The following SBF2 variants were observed in gnomAD, a reference collection of about 807,000 sequenced individuals.
SBF2 encodes the protein myotubularin-related protein 13.
In SBF2, 112 loss-of-function variants were observed where a neutral mutation model predicts 225.2. The observed-to-expected ratio is 0.50, with a 90% CI of 0.43 to 0.58. The LOEUF is 0.58. Among genes scored for constraint, SBF2 ranks in the 20% least tolerant of loss-of-function variants. The pLI is 0.00. For synonymous variants in SBF2, 763 were observed against 773.3 expected (o/e 0.99, Z 0.22); for missense variants, 1,996 against 2,206.2 (o/e 0.90, Z 1.91).
At chr11:10,204,024 T>C (rs1331812974) in intron 1 of SBF2, among the ~76,000 whole-genome samples, 2 of 151,810 alleles carry the variant, frequency 1.3e-5, no homozygotes, top group African/African-American at 4.8e-5. Flanking sequence ...AACACACTGA[T>C]CATAGAAGCT....
chr11:9,829,263 G>A, intron 28 of SBF2, 93 bp downstream of exon 28: 1 of 1,415,164 alleles, frequency 7.1e-7, no homozygotes, highest in Non-Finnish European at 1.0e-6. Context: ...TGAAGGAACA[G>A]TACAAATAAC....
chr11:10,231,777 T>C (rs925169332), intron 1 of SBF2, among the ~76,000 whole-genome samples: 1 of 152,178 alleles, frequency 6.6e-6, no homozygotes, highest in Admixed American at 6.5e-5. Flanking sequence ...GAGGAGGCAG[T>C]CTGCCAGTTC....
chr11:9,882,631 AC>A (rs1859891338), intron 17 of SBF2, among the ~76,000 whole-genome samples: 1 of 151,802 alleles, frequency 6.6e-6, no homozygotes, highest in Non-Finnish European at 1.5e-5. Context: ...ACACGGTGAA[AC>A]CCCGTCTCTA....
rs112578653 is a variant in SBF2 at position 9,945,975 on chromosome 11, T to A, written c.1860+15982A>T. On this transcript the variant is annotated intron_variant, in intron 16 of 39. Coordinates refer to ENST00000256190, the MANE Select transcript of SBF2 (RefSeq NM_030962.4). ...TGTGGAGAAAAGGGAATGCTTATAC[T>A]TTGCTGGTGGGAATGTAAATTAGCT... 4.6e-3 allele frequency among the ~76,000 whole-genome samples: 696 copies of A among 152,122 alleles called. 2 individuals carry two copies. Among genetic ancestry groups the A allele is most frequent in the African/African-American group, 0.016 (659 of 41,516 alleles).
At chr11:10,086,454 A>G (rs1451387933) in intron 2 of SBF2, among the ~76,000 whole-genome samples, 2 of 152,196 alleles carry the variant, frequency 1.3e-5, no homozygotes, top group Non-Finnish European at 2.9e-5. Context: ...TAGATAATAT[A>G]TAAGTGGCTT....
At chr11:9,925,300 A>T (rs111656900) in intron 16 of SBF2, among the ~76,000 whole-genome samples, 31,125 of 151,812 alleles carry the variant, frequency 0.21, 3,908 homozygotes, top group Non-Finnish European at 0.29. Flanking sequence ...ATATATATAT[A>T]TTTTTAGATG....
chr11:10,300,594 C>T (rs1964586414), intron 1 of SBF2, among the ~76,000 whole-genome samples: 1 of 151,946 alleles, frequency 6.6e-6, no homozygotes, highest in African/African-American at 2.4e-5. Flanking sequence ...GGATCCCTAT[C>T]TGGAGACAAG....
chr11:9,804,539 A>G (rs1345387567), intron 32 of SBF2, among the ~76,000 whole-genome samples: 1 of 152,204 alleles, frequency 6.6e-6, no homozygotes, highest in East Asian at 1.9e-4. Flanking sequence ...CATCACCACA[A>G]TCATGATACA....
intron 2 of SBF2, among the ~76,000 whole-genome samples, chr11:10,081,204 T>C (rs1951351164): frequency 3.3e-5 from 5 of 151,980 alleles, no homozygotes; most frequent in Admixed American, 2.6e-4. Flanking sequence ...TTTAAAAAAA[T>C]CTCAAAATCA....
intron 1 of SBF2, among the ~76,000 whole-genome samples, chr11:10,301,744 A>AT: frequency 6.6e-6 from 1 of 152,306 alleles, no homozygotes; most frequent in South Asian, 2.1e-4. Context: ...ACTACCACAT[A>AT]TTTTTTTAAA....
At chr11:9,937,461 G>A (rs536632134) in intron 16 of SBF2, among the ~76,000 whole-genome samples, 103 of 152,116 alleles carry the variant, frequency 6.8e-4, no homozygotes, top group Admixed American at 4.3e-3. Context: ...AATGGGAACA[G>A]AAGAAAACTA....
chr11:10,133,128 G>A (rs1181789304), intron 2 of SBF2, among the ~76,000 whole-genome samples: 3 of 149,226 alleles, frequency 2.0e-5, no homozygotes, highest in African/African-American at 7.4e-5. Context: ...GTCGATTGGT[G>A]CACTCACAAA....
intron 16 of SBF2, among the ~76,000 whole-genome samples, chr11:9,908,993 T>C (rs548897839): frequency 6.6e-6 from 1 of 152,180 alleles, no homozygotes; most frequent in East Asian, 1.9e-4. Flanking sequence ...CAGCCTATTC[T>C]TTACTTTGTA....
intron 16 of SBF2, among the ~76,000 whole-genome samples, chr11:9,951,950 T>G (rs769874565): frequency 3.3e-5 from 5 of 152,206 alleles, no homozygotes; most frequent in Non-Finnish European, 5.9e-5. Flanking sequence ...GCTTGTTGAG[T>G]GACAGCTTCA....
rs376386324 is a variant in SBF2, at chr11:10,195,337, C to T, written c.56-1350G>A. 7.9e-5 allele frequency among the ~76,000 whole-genome samples: 12 copies of T among 152,200 alleles called. No individual in the cohort carries two copies. In the South Asian group the frequency reaches 1.9e-3, roughly 24 times the overall value. ...TTGTTATAAAATTATCCTGTGACAC[C>T]GAAGAAGGAATCAACTTCCCATTGA... On this transcript the variant is annotated intron_variant, in intron 1 of 39. Coordinates refer to ENST00000256190, the MANE Select transcript of SBF2 (RefSeq NM_030962.4).
chr11:10,023,105 T>C (rs1565144582), intron 6 of SBF2, among the ~76,000 whole-genome samples: 1 of 152,180 alleles, frequency 6.6e-6, no homozygotes, highest in East Asian at 1.9e-4. Context: ...GAAGACTTTC[T>C]AAAAAAGATA....
intron 16 of SBF2, among the ~76,000 whole-genome samples, chr11:9,899,847 A>T (rs1226834689): frequency 6.6e-6 from 1 of 152,118 alleles, no homozygotes; most frequent in East Asian, 1.9e-4. Flanking sequence ...ATGAGGAAAA[A>T]GCAGCTTGGT....
chr11:10,282,360 G>A (rs1203501728), intron 1 of SBF2, among the ~76,000 whole-genome samples: 2 of 151,948 alleles, frequency 1.3e-5, no homozygotes, highest in South Asian at 2.1e-4. Flanking sequence ...ACATTTCCTA[G>A]GCAATCTCAC....
At chr11:9,918,179 C>T (rs1026614923) in intron 16 of SBF2, among the ~76,000 whole-genome samples, 3 of 112,330 alleles carry the variant, frequency 2.7e-5, no homozygotes, top group Non-Finnish European at 5.7e-5. Flanking sequence ...GTCATCGGCT[C>T]CCTCTTACTA....
Sources: allele counts gnomAD v4.1 joint callset (sites outside exome capture counted in the v4.1 genomes callset), GRCh38; gene constraint gnomAD v4.1.1; transcripts MANE v1.5; gene names NCBI Gene and HGNC (gene_info 2026-07-23, HGNC 2026-07-21).